The following CFAP299 variants were observed in gnomAD, a reference collection of about 807,000 sequenced individuals.
The protein encoded by CFAP299 is cilia- and flagella-associated protein 299.
Under a neutral mutation model 27.0 loss-of-function variants are expected in CFAP299, and 21 were observed. The ratio of observed to expected loss-of-function variants is 0.78; its 90% CI spans 0.55 to 1.12. The LOEUF is 1.12. Ranked by LOEUF, CFAP299 falls within the 50% of genes most tolerant of loss-of-function variation. The pLI, the probability that CFAP299 is intolerant of heterozygous loss-of-function variation, is 0.00. For missense variants in CFAP299, 310 were observed against 276.6 expected (o/e 1.12, Z -0.86); for synonymous variants, 104 against 98.1 (o/e 1.06, Z -0.36).
At chr4:80,564,862 A>G (rs1735204014) in intron 2 of CFAP299, among the ~76,000 whole-genome samples, 1 of 152,064 alleles carries the variant, frequency 6.6e-6, no homozygotes, top group Non-Finnish European at 1.5e-5. Context: ...CTATATGCAA[A>G]CAATGAACAA....
At chr4:80,387,805 G>T in intron 2 of CFAP299, 1 of 1,579,020 alleles carries the variant, frequency 6.3e-7, no homozygotes, top group Non-Finnish European at 8.7e-7. Flanking sequence ...GAGTTTCTGA[G>T]CCTTTGGCTT....
intron 4 of CFAP299, among the ~76,000 whole-genome samples, chr4:80,941,659 A>G (rs1737201282): frequency 6.8e-6 from 1 of 146,380 alleles, no homozygotes; most frequent in South Asian, 2.1e-4. Context: ...TCATTTATTT[A>G]AAAAAACAAA....
At chr4:80,575,424 CG>C (rs1194523345) in intron 2 of CFAP299, among the ~76,000 whole-genome samples, 2 of 151,704 alleles carry the variant, frequency 1.3e-5, no homozygotes, top group Non-Finnish European at 2.9e-5. Flanking sequence ...TTCCCAGGCT[CG>C]TGTGATCTTC....
At position 80,508,551 on chromosome 4, in the gene CFAP299, GC is replaced by G. The variant is rs557124812; in HGVS notation, c.243-74540del. On this transcript the variant is annotated intron_variant, in intron 2 of 5. Transcript: ENST00000358105. ...CTCCTCACTTTTTCAGCTGTAATCA[GC>G]CAAACTGATCACCTAAGGTAAACTG... is the stretch of plus-strand genomic sequence containing the variant. Among the ~76,000 whole-genome samples, 149 of 152,146 alleles carry G rather than the reference GC, an allele frequency of 9.8e-4. 1 individual carries two copies. Among genetic ancestry groups the G allele is most frequent in the Non-Finnish European group, 1.8e-3 (121 of 67,984 alleles).
In CFAP299 at chr4:80,387,844, C is replaced by T. The variant is rs562538585; in HGVS notation, c.242+24960C>T. On this transcript the variant is annotated intron_variant, in intron 2 of 5. Transcript: ENST00000358105. ...TGTAGCTTCCAGGAGTCCCCTGGTA[C>T]CTTTAGCCCGTGGGGTCTTCAGCAT... 3.2e-5 allele frequency: 44 copies of T among 1,390,094 alleles called. No homozygotes were observed. The African/African-American group carries it at 6.2e-4, about 20-fold the overall frequency. The allele number at this position is 1,390,094 out of a possible 1,614,324, so 86.1% of individuals were successfully genotyped here. A position where few individuals can be genotyped will look rare whatever the true frequency, so the allele number is the denominator to read the frequency against.
intron 4 of CFAP299, among the ~76,000 whole-genome samples, chr4:80,915,645 C>G (rs1014881359): frequency 1.9e-4 from 29 of 151,994 alleles, no homozygotes; most frequent in African/African-American, 6.8e-4. Context: ...CATCTCCTCT[C>G]CTTCTAGAAC....
At chr4:80,488,104 G>A (rs931622676) in intron 2 of CFAP299, among the ~76,000 whole-genome samples, 2 of 152,192 alleles carry the variant, frequency 1.3e-5, no homozygotes, top group Non-Finnish European at 2.9e-5. Context: ...TTTGGACAAA[G>A]TACTGTTGCC....
chr4:80,656,840 C>A (rs537978107), intron 3 of CFAP299, among the ~76,000 whole-genome samples: 5 of 152,242 alleles, frequency 3.3e-5, no homozygotes, highest in Admixed American at 1.3e-4. Flanking sequence ...ACACTCCCAC[C>A]AACAGTGTAA....
rs1741293342 is a variant in CFAP299 at position 80,669,026 on chromosome 4, T to TTCCAA, written c.333+85845_333+85849dup. 2.6e-5 allele frequency among the ~76,000 whole-genome samples: 4 copies of TTCCAA among 151,936 alleles called. 1 individual carries two copies. Reference sequence around the variant, plus strand: ...TTTTGTAGTTCTTCTTGTATGGCTCTTCCAATTCCTTGACTAAATCAGTTC... The same window carrying TTCCAA: ...TTTTGTAGTTCTTCTTGTATGGCTCTTCCAATCCAATTCCTTGACTAAATCAGTTC... On this transcript the variant is annotated intron_variant, in intron 3 of 5. Coordinates refer to ENST00000358105, the MANE Select transcript of CFAP299 (RefSeq NM_152770.3).
intron 2 of CFAP299, among the ~76,000 whole-genome samples, chr4:80,564,973 C>T (rs1007752823): frequency 3.3e-5 from 5 of 151,782 alleles, no homozygotes; most frequent in African/African-American, 9.7e-5. Context: ...ATCTCTATAA[C>T]GAAAACTATG....
Position 80,608,400 on chromosome 4 carries a change from G to GA in CFAP299, c.333+25221dup. ...CAACTGGCAGTAAGTACTGCTTATG[G>GA]AAAAGTTTCCTTTACAAGTTAGAAA... is the stretch of plus-strand genomic sequence containing the variant. On this transcript the variant is annotated intron_variant, in intron 3 of 5. Transcript: ENST00000358105. 5 of 1,502,550 alleles carry GA rather than the reference G, an allele frequency of 3.3e-6. 1 individual carries two copies. The South Asian group carries it at 6.0e-5, about 18-fold the overall frequency. The allele number at this position is 1,502,550 out of a possible 1,614,324, so 93.1% of individuals were successfully genotyped here. A position where few individuals can be genotyped will look rare whatever the true frequency, so the allele number is the denominator to read the frequency against.
intron 3 of CFAP299, among the ~76,000 whole-genome samples, chr4:80,749,386 A>G (rs1724801859): frequency 1.3e-5 from 2 of 152,196 alleles, no homozygotes; most frequent in African/African-American, 4.8e-5. Flanking sequence ...AAAAGAAAAT[A>G]CTTACATTAG....
chr4:80,570,558 TCA>T (rs907868245), intron 2 of CFAP299, among the ~76,000 whole-genome samples: 1 of 152,122 alleles, frequency 6.6e-6, no homozygotes, highest in African/African-American at 2.4e-5. Flanking sequence ...TTGCTTAACC[TCA>T]CACTGGATTG....
intron 2 of CFAP299, among the ~76,000 whole-genome samples, chr4:80,512,867 C>T (rs973533182): frequency 6.6e-6 from 1 of 152,038 alleles, no homozygotes; most frequent in Non-Finnish European, 1.5e-5. Context: ...CTATATTTCT[C>T]TTTCCCTCTT....
intron 3 of CFAP299, among the ~76,000 whole-genome samples, chr4:80,826,278 A>G (rs1729980363): frequency 6.6e-6 from 1 of 151,790 alleles, no homozygotes; most frequent in Non-Finnish European, 1.5e-5. Context: ...TAGAAAAAAA[A>G]CAGAAGACAG....
Position 80,608,382 on chromosome 4 carries a change from C to A in CFAP299, c.333+25199C>A, listed in dbSNP as rs982204817. 6.6e-6 allele frequency: 10 copies of A among 1,523,870 alleles called. No individual in the cohort carries two copies. In the African/African-American group the frequency reaches 1.2e-4, roughly 19 times the overall value. 94.4% of individuals were successfully genotyped at this position (1,523,870 alleles called of 1,614,324 possible). On this transcript the variant is annotated intron_variant, in intron 3 of 5. Coordinates refer to ENST00000358105, the MANE Select transcript of CFAP299 (RefSeq NM_152770.3). Reference sequence around the variant, plus strand: ...GCTCATATCTTGAAGAAGCAACTGGCAGTAAGTACTGCTTATGGAAAAGTT... The same window carrying A: ...GCTCATATCTTGAAGAAGCAACTGGAAGTAAGTACTGCTTATGGAAAAGTT...
At chr4:80,845,361 C>T (rs958918079) in intron 3 of CFAP299, among the ~76,000 whole-genome samples, 1 of 151,504 alleles carries the variant, frequency 6.6e-6, no homozygotes, top group African/African-American at 2.4e-5. Context: ...TTGCATAAAA[C>T]TGTTCAATGA....
intron 3 of CFAP299, among the ~76,000 whole-genome samples, chr4:80,757,985 G>A (rs573001156): frequency 2.0e-5 from 3 of 152,250 alleles, no homozygotes; most frequent in Admixed American, 6.5e-5. Context: ...GCATAACTTC[G>A]TGCAGGCCCT....
intron 2 of CFAP299, among the ~76,000 whole-genome samples, chr4:80,496,916 G>A (rs1293069403): frequency 1.3e-5 from 2 of 152,076 alleles, no homozygotes; most frequent in African/African-American, 4.8e-5. Context: ...GATGGAGGTA[G>A]GTGCCACAGT....
Sources: gnomAD v4.1 joint callset for allele counts (sites outside exome capture counted in the v4.1 genomes callset) on GRCh38, gnomAD v4.1.1 for gene constraint, MANE v1.5 for transcripts, NCBI Gene and HGNC (gene_info 2026-07-23, HGNC 2026-07-21) for gene names.